RNF11: variants seen among roughly 807,000 people sequenced by gnomAD.
The protein encoded by RNF11 is ring finger protein 11.
Under a neutral mutation model 15.8 loss-of-function variants are expected in RNF11, and 4 were observed. That is an observed-to-expected ratio of 0.25 (90% CI 0.12 to 0.58). The LOEUF (loss-of-function observed/expected upper bound fraction) is 0.58. Ranked by LOEUF, RNF11 falls within the 20% of genes least tolerant of loss-of-function variation. The pLI is 0.91. For synonymous variants in RNF11, 68 were observed against 72.3 expected (o/e 0.94, Z 0.30); for missense variants, 139 against 194.4 (o/e 0.71, Z 1.70).
intron 1 of RNF11, among the ~76,000 whole-genome samples, chr1:51,247,348 T>A (rs1166184823): frequency 6.6e-6 from 1 of 152,174 alleles, no homozygotes; most frequent in Non-Finnish European, 1.5e-5. Context: ...CCCAAGTAGC[T>A]GGGACCACAG....
chr1:51,238,808 C>T (rs898163912), intron 1 of RNF11, among the ~76,000 whole-genome samples: 23 of 152,098 alleles, frequency 1.5e-4, no homozygotes, highest in Admixed American at 1.4e-3. Flanking sequence ...CTGCTTACTG[C>T]AACCTCCACC....
At chr1:51,237,904 T>G (rs955387339) in intron 1 of RNF11, among the ~76,000 whole-genome samples, 3 of 152,202 alleles carry the variant, frequency 2.0e-5, no homozygotes, top group Non-Finnish European at 4.4e-5. Flanking sequence ...CATCATTATC[T>G]AGTGTTTTCT....
intron 1 of RNF11, among the ~76,000 whole-genome samples, chr1:51,255,481 A>C (rs1646900416): frequency 6.6e-6 from 1 of 152,162 alleles, no homozygotes; most frequent in African/African-American, 2.4e-5. Context: ...GCTGGCTTTG[A>C]ATTCCTGGGC....
chr1:51,266,298 GAC>G (rs1646954294), intron 1 of RNF11, among the ~76,000 whole-genome samples: 1 of 152,158 alleles, frequency 6.6e-6, no homozygotes, highest in South Asian at 2.1e-4. Context: ...TTTTGAAAGA[GAC>G]AACAACCCAG....
At chr1:51,269,849 T>A in intron 1 of RNF11, 107 bp from the exon 2 acceptor site, 1 of 879,316 alleles carries the variant, frequency 1.1e-6, no homozygotes, top group Non-Finnish European at 1.8e-6. Context: ...CTAGCCCAGC[T>A]TCCTACCCCT....
intron 1 of RNF11, among the ~76,000 whole-genome samples, chr1:51,255,703 T>A (rs796573294): frequency 2.0e-5 from 3 of 152,376 alleles, no homozygotes; most frequent in African/African-American, 7.2e-5. Flanking sequence ...ACTAGCCTGA[T>A]GTTCCAGCAC....
At chr1:51,269,007 G>A (rs1244412771) in intron 1 of RNF11, among the ~76,000 whole-genome samples, 1 of 152,186 alleles carries the variant, frequency 6.6e-6, no homozygotes, top group Admixed American at 6.5e-5. Flanking sequence ...TCTTTAAAGT[G>A]GGTACTGTTA....
Position 51,243,661 on chromosome 1 carries a change from A to G in RNF11, c.123+6782A>G, listed in dbSNP as rs918945942. On this transcript the variant is annotated intron_variant, in intron 1 of 2. Coordinates refer to ENST00000242719, the MANE Select transcript of RNF11 (RefSeq NM_014372.5). Reference sequence around the variant, plus strand: ...ACCATATTGCTCAGGCTGGTGTGCAACTCCTAACCTCAGGTAATCCACTCA... The same window carrying G: ...ACCATATTGCTCAGGCTGGTGTGCAGCTCCTAACCTCAGGTAATCCACTCA... Among the ~76,000 whole-genome samples, 5 of 152,110 alleles carry G rather than the reference A, an allele frequency of 3.3e-5. No homozygotes were observed. In the Middle Eastern group the frequency reaches 0.01, roughly 310 times the overall value.
intron 1 of RNF11, among the ~76,000 whole-genome samples, chr1:51,252,931 A>C (rs541316919): frequency 6.6e-6 from 1 of 151,500 alleles, no homozygotes; most frequent in African/African-American, 2.4e-5. Flanking sequence ...GGTTCAAGCG[A>C]TTCTCCTGCC....
intron 1 of RNF11, among the ~76,000 whole-genome samples, chr1:51,241,796 A>T (rs1404758560): frequency 6.6e-6 from 1 of 152,188 alleles, no homozygotes; most frequent in African/African-American, 2.4e-5. Context: ...ATAAGCCAGG[A>T]AAGGCTGAAG....
At position 51,271,466 on chromosome 1, in the gene RNF11, G is replaced by A; in HGVS notation, c.*144G>A. 1.7e-6 allele frequency: 1 copy of A among 603,118 alleles called. No homozygotes were observed. The highest frequency in any genetic ancestry group is 2.8e-5 in the South Asian group (1 of 35,950). The allele number at this position is 603,118 out of a possible 1,614,324, so 37.4% of individuals were successfully genotyped here. ...ATTCCTGGATGGCTGCAGATGTTGG[G>A]GGAAAAAGTACGTGATATTTTAGAA... On this transcript the variant is annotated 3_prime_UTR_variant, in exon 3 of 3. Coordinates refer to ENST00000242719, the MANE Select transcript of RNF11 (RefSeq NM_014372.5).
chr1:51,237,501 CAT>C (rs1192452942), intron 1 of RNF11, among the ~76,000 whole-genome samples: 14 of 150,014 alleles, frequency 9.3e-5, no homozygotes, highest in African/African-American at 3.4e-4. Flanking sequence ...TTGCTCCACC[CAT>C]ATGACACACC....
chr1:51,251,463 C>T, intron 1 of RNF11: 2 of 650,076 alleles, frequency 3.1e-6, no homozygotes, highest in Non-Finnish European at 5.3e-6. Flanking sequence ...GCACTGGTGT[C>T]ATCCACCATT....
chr1:51,237,448 A>G lies in RNF11; in HGVS notation c.123+569A>G, dbSNP rs1226933836. The stretch of plus-strand genomic sequence containing the variant: ...TGTATATATATATATATGTGTATAT[A>G]TATATATATATATATGTATATAAAT... On this transcript the variant is annotated intron_variant, in intron 1 of 2. Coordinates refer to ENST00000242719, the MANE Select transcript of RNF11 (RefSeq NM_014372.5). Among the ~76,000 whole-genome samples the G allele has an allele frequency of 3.1e-3, 461 of 147,406 alleles. 1 individual carries two copies. Among genetic ancestry groups the G allele is most frequent in the Non-Finnish European group, 4.4e-3 (295 of 67,082 alleles).
At chr1:51,266,066 C>T (rs754655181) in intron 1 of RNF11, 4 of 152,118 alleles carry the variant, frequency 2.6e-5, no homozygotes, top group Admixed American at 2.0e-4. Context: ...TGATGAGGAA[C>T]CTTAATGCTC....
At chr1:51,259,852 T>C (rs1473959665) in intron 1 of RNF11, among the ~76,000 whole-genome samples, 1 of 152,258 alleles carries the variant, frequency 6.6e-6, no homozygotes, top group Non-Finnish European at 1.5e-5. Flanking sequence ...ATAGCGTATG[T>C]AGGAGAAGAC....
intron 1 of RNF11, among the ~76,000 whole-genome samples, chr1:51,243,193 C>T (rs1646837789): frequency 6.6e-6 from 1 of 152,178 alleles, no homozygotes; most frequent in African/African-American, 2.4e-5. Context: ...ATACATTAAA[C>T]TTGTAAGATA....
intron 1 of RNF11, among the ~76,000 whole-genome samples, chr1:51,257,481 G>C (rs1440760116): frequency 6.6e-6 from 1 of 152,006 alleles, no homozygotes; most frequent in African/African-American, 2.4e-5. Context: ...TTTGGAGATA[G>C]TCTTGCTCTG....
chr1:51,270,121 C>T lies in RNF11; in HGVS notation c.289C>T (p.Arg97Trp), dbSNP rs141444156. 30 of 1,586,464 alleles carry T rather than the reference C, an allele frequency of 1.9e-5. No homozygotes were observed. Among genetic ancestry groups the T allele is most frequent in the African/African-American group, 9.6e-5 (7 of 73,068 alleles). Residue 97 changes from arginine to tryptophan, a missense_variant, in exon 2 of 3, where the codon CGG becomes TGG. By Grantham distance (101) the Arg-to-Trp change is moderately radical. Coordinates refer to ENST00000242719, the MANE Select transcript of RNF11 (RefSeq NM_014372.5). ...PGRDGSEKKI[R>W]ECVICMMDFV... ...AAGAGATGGATCAGAAAAAAAGATC[C>T]GGGAGTAAGTTTTAATTAATTTGTA...
Sources: gnomAD v4.1 joint callset for allele counts (sites outside exome capture counted in the v4.1 genomes callset) on GRCh38, gnomAD v4.1.1 for gene constraint, MANE v1.5 for transcripts, NCBI Gene and HGNC (gene_info 2026-07-23, HGNC 2026-07-21) for gene names.